HMCN1: variants seen among roughly 807,000 people sequenced by gnomAD.
HMCN1 encodes hemicentin-1.
A neutral mutation model predicts 625.9 loss-of-function variants in HMCN1; 321 were observed. The observed-to-expected ratio is 0.51, with a 90% CI of 0.47 to 0.56. The LOEUF is 0.56. HMCN1 is among the 20% of genes least tolerant of loss of function. HMCN1 has a pLI of 0.00. For missense variants in HMCN1, 6,588 were observed against 6,887.3 expected, an observed-to-expected ratio of 0.96 and a Z score of 1.54; for synonymous variants, 2,425 against 2,417.6, an observed-to-expected ratio of 1.00 and a Z score of -0.09.
At chr1:186,083,046 G>T (rs561363450) in intron 57 of HMCN1, 85 bp downstream of exon 57, 1 of 686,434 alleles carries the variant, frequency 1.5e-6, no homozygotes, top group African/African-American at 1.8e-5. Flanking sequence ...GGCTTATTTT[G>T]TATTTTTTAA....
At chr1:185,956,969 G>T (rs373449264) in intron 11 of HMCN1, 1 of 152,238 alleles carries the variant, frequency 6.6e-6, no homozygotes, top group Non-Finnish European at 1.5e-5. Flanking sequence ...GCCTTGCACA[G>T]AGGGAAAAAC....
chr1:186,094,732 G>A (rs1432426551), intron 67 of HMCN1, among the ~76,000 whole-genome samples: 3 of 152,094 alleles, frequency 2.0e-5, no homozygotes, highest in Non-Finnish European at 4.4e-5. Flanking sequence ...GGATGCATGT[G>A]CATATATGCA....
At chr1:185,867,527 C>G (rs1663334390) in intron 4 of HMCN1, among the ~76,000 whole-genome samples, 1 of 152,152 alleles carries the variant, frequency 6.6e-6, no homozygotes, top group African/African-American at 2.4e-5. Context: ...ATAGCATTCT[C>G]TCTTACATCA....
chr1:185,777,430 C>T (rs80239780), intron 1 of HMCN1, among the ~76,000 whole-genome samples: 8,124 of 151,882 alleles, frequency 0.053, 307 homozygotes, highest in Non-Finnish European at 0.078. Flanking sequence ...TGCACAACTG[C>T]GGTGCACTAT....
At chr1:185,827,024 A>C (rs988441253) in intron 1 of HMCN1, among the ~76,000 whole-genome samples, 1 of 151,960 alleles carries the variant, frequency 6.6e-6, no homozygotes, top group Non-Finnish European at 1.5e-5. Flanking sequence ...AAAATAAAAA[A>C]AATTGGCTGG....
At chr1:186,054,874 TTTTCCCCAAAA>T (rs933148528) in intron 44 of HMCN1, among the ~76,000 whole-genome samples, 5 of 151,692 alleles carry the variant, frequency 3.3e-5, no homozygotes, top group African/African-American at 1.2e-4. Flanking sequence ...GAGCAAAAAA[TTTTCCCCAAAA>T]TCCCCAGCAG....
chr1:186,028,673 A>T (rs1339003373), intron 36 of HMCN1, among the ~76,000 whole-genome samples: 1 of 151,500 alleles, frequency 6.6e-6, no homozygotes, highest in East Asian at 1.9e-4. Context: ...GCCTTTAGTC[A>T]TTAGCTTTCC....
At chr1:186,115,198 T>G in intron 74 of HMCN1, 60 bp from the exon 75 acceptor site, 2 of 1,593,688 alleles carry the variant, frequency 1.3e-6, no homozygotes, top group East Asian at 4.5e-5. Flanking sequence ...AGCAGAAATA[T>G]TTCAAATGGC....
At chr1:185,798,875 T>C (rs1421881452) in intron 1 of HMCN1, among the ~76,000 whole-genome samples, 1 of 152,160 alleles carries the variant, frequency 6.6e-6, no homozygotes, top group Non-Finnish European at 1.5e-5. Context: ...TTATCTGATA[T>C]TACAAGAATT....
chr1:186,032,180 T>C (rs894132022), intron 36 of HMCN1, among the ~76,000 whole-genome samples: 10 of 151,596 alleles, frequency 6.6e-5, no homozygotes, highest in Non-Finnish European at 1.3e-4. Context: ...AAAGGACCAA[T>C]ATCCAGAATT....
At chr1:186,094,583 A>G (rs976689563) in intron 67 of HMCN1, among the ~76,000 whole-genome samples, 14 of 152,154 alleles carry the variant, frequency 9.2e-5, no homozygotes, top group Non-Finnish European at 1.5e-4. Flanking sequence ...ATACTGATCT[A>G]GAAATTTGCA....
chr1:185,840,355 A>G (rs1558007844), intron 1 of HMCN1, among the ~76,000 whole-genome samples: 2 of 152,222 alleles, frequency 1.3e-5, no homozygotes, highest in Non-Finnish European at 1.5e-5. Flanking sequence ...TATAAAGGAC[A>G]TTATAATTGA....
chr1:186,159,305 TAAG>T lies in HMCN1; in HGVS notation c.15256+5323_15256+5325del, dbSNP rs573562367. 1.5e-4 allele frequency among the ~76,000 whole-genome samples: 23 copies of T among 152,344 alleles called. No individual in the cohort carries two copies. The South Asian group carries it at 4.1e-3, about 27-fold the overall frequency. On this transcript the variant is annotated intron_variant, in intron 97 of 106. Coordinates refer to ENST00000271588, the MANE Select transcript of HMCN1 (RefSeq NM_031935.3). ...ACTTTGCTGAAGTTGCTTATCAGCT[TAAG>T]AAGATTTTGGGCTGAGACAATGGGG...
chr1:186,118,172 A>G (rs1027531549), intron 77 of HMCN1, among the ~76,000 whole-genome samples: 26 of 148,692 alleles, frequency 1.7e-4, no homozygotes, highest in African/African-American at 6.5e-4. Flanking sequence ...AGTATTGAAG[A>G]AAAAAAAATC....
Position 186,112,898 on chromosome 1 carries a change from T to A in HMCN1, c.11076T>A (p.Cys3692Ter). Residue 3692 changes from cysteine (C) to a stop codon, truncating the protein, a stop_gained, in exon 72 of 107, where the codon TGT becomes TGA. Transcript: ENST00000271588. LOFTEE classifies it high-confidence loss of function. ...TAGGTGATACAGCCAATTATACCTGTGTTGCCAGCAACATTGCAGGAAAGA... is the reference window on the plus strand; with the variant it reads ...TAGGTGATACAGCCAATTATACCTGAGTTGCCAGCAACATTGCAGGAAAGA... ...ADLGDTANYTCVASNIAGKTT... is the reference protein window; with the variant it reads ...ADLGDTANYT 1 of 1,614,194 alleles carries A rather than the reference T, an allele frequency of 6.2e-7. No individual in the cohort carries two copies. The highest frequency in any genetic ancestry group is 8.5e-7 in the Non-Finnish European group (1 of 1,180,010).
chr1:185,909,060 T>C (rs549979169), intron 4 of HMCN1, among the ~76,000 whole-genome samples: 11 of 152,146 alleles, frequency 7.2e-5, no homozygotes, highest in African/African-American at 2.6e-4. Context: ...TCTCTGCATG[T>C]CTCCCCTCAC....
At chr1:185,789,278 A>C (rs1377451331) in intron 1 of HMCN1, among the ~76,000 whole-genome samples, 1 of 152,172 alleles carries the variant, frequency 6.6e-6, no homozygotes, top group Non-Finnish European at 1.5e-5. Context: ...GTGAGGAAGT[A>C]GTGAGTTGTG....
At chr1:186,052,049 A>G (rs1656987237) in intron 42 of HMCN1, among the ~76,000 whole-genome samples, 2 of 152,042 alleles carry the variant, frequency 1.3e-5, no homozygotes, top group Admixed American at 1.3e-4. Flanking sequence ...GGGTTCATAC[A>G]GAATGATGGC....
At chr1:186,002,176 G>A (rs981339248) in intron 28 of HMCN1, among the ~76,000 whole-genome samples, 1 of 152,002 alleles carries the variant, frequency 6.6e-6, no homozygotes. Context: ...ACTTTCCCCT[G>A]CATTCTAATT....
Sources: gnomAD v4.1 joint callset for allele counts (sites outside exome capture counted in the v4.1 genomes callset) on GRCh38, gnomAD v4.1.1 for gene constraint, MANE v1.5 for transcripts, NCBI Gene and HGNC (gene_info 2026-07-23, HGNC 2026-07-21) for gene names.